The following PCDH11X variants were observed in gnomAD, a reference collection of about 807,000 sequenced individuals.
The protein encoded by PCDH11X is protocadherin 11 X-linked, also known as protocadherin-11 X-linked.
In PCDH11X, 18 loss-of-function variants were observed where a neutral mutation model predicts 53.3. The observed-to-expected ratio is 0.34, with a 90% CI of 0.23 to 0.50. The LOEUF is 0.50. Among genes scored for constraint, PCDH11X ranks in the 20% least tolerant of loss-of-function variants. PCDH11X has a pLI of 0.98. For synonymous variants in PCDH11X, 279 were observed against 393.3 expected, an observed-to-expected ratio of 0.71 and a Z score of 3.44; for missense variants, 570 against 1,032.4, an observed-to-expected ratio of 0.55 and a Z score of 6.14.
Position 92,108,027 on chromosome X carries a change from C to T in PCDH11X, c.3034-93348C>T, listed in dbSNP as rs1163916328. Among the ~76,000 whole-genome samples the T allele has an allele frequency of 2.7e-5, 3 of 112,030 alleles. No individual in the cohort carries two copies. The East Asian group carries it at 8.5e-4, about 32-fold the overall frequency. ...AAAATATAGTTCTGATATAAAGAAG[C>T]AGAGCTCTTTGACAAGCTGAGTGAA... On this transcript the variant is annotated intron_variant, in intron 6 of 10. Coordinates refer to ENST00000682573, the MANE Select transcript of PCDH11X (RefSeq NM_032968.5).
chrX:92,554,014 A>G (rs1301968515), intron 10 of PCDH11X, among the ~76,000 whole-genome samples: 19 of 109,740 alleles, frequency 1.7e-4, no homozygotes, highest in Non-Finnish European at 3.2e-4. Flanking sequence ...AGAATACTAG[A>G]TCTTCACTGT....
intron 4 of PCDH11X, among the ~76,000 whole-genome samples, chrX:91,833,688 G>A (rs1937193026): frequency 8.9e-6 from 1 of 111,975 alleles, no homozygotes; most frequent in Non-Finnish European, 1.9e-5. Context: ...TGTTGCAACA[G>A]ATGCATTTAT....
intron 4 of PCDH11X, 52 bp from the exon 5 acceptor site, chrX:91,835,409 G>A (rs1245795750): frequency 2.0e-5 from 24 of 1,206,438 alleles, no homozygotes; most frequent in Non-Finnish European, 2.6e-5. Flanking sequence ...TTTAGGGTTG[G>A]CTTCTTAATA....
chrX:92,445,374 T>C (rs1446526289), intron 9 of PCDH11X, among the ~76,000 whole-genome samples: 6 of 104,611 alleles, frequency 5.7e-5, no homozygotes, highest in Non-Finnish European at 1.2e-4. Context: ...AGAGTTGTTC[T>C]TAATAATCCC....
At chrX:92,290,655 C>A (rs1256933733) in intron 8 of PCDH11X, among the ~76,000 whole-genome samples, 1 of 110,223 alleles carries the variant, frequency 9.1e-6, no homozygotes, top group African/African-American at 3.3e-5. Context: ...AGTGGCATAA[C>A]TAAGTGGGCA....
intron 6 of PCDH11X, among the ~76,000 whole-genome samples, chrX:92,184,443 A>G (rs1286117423): frequency 8.9e-6 from 1 of 112,175 alleles, no homozygotes; most frequent in Non-Finnish European, 1.9e-5. Flanking sequence ...TCCTTACCAA[A>G]TTACTAATGA....
intron 10 of PCDH11X, among the ~76,000 whole-genome samples, chrX:92,531,486 A>G (rs1946296810): frequency 9.0e-6 from 1 of 111,207 alleles, no homozygotes; most frequent in Non-Finnish European, 1.9e-5. Context: ...AGCTTAAGCC[A>G]TCTTATTTGC....
chrX:92,484,704 G>C (rs1031812274), intron 10 of PCDH11X, among the ~76,000 whole-genome samples: 7 of 110,645 alleles, frequency 6.3e-5, no homozygotes, highest in Non-Finnish European at 1.3e-4. Context: ...ACATAAGAAT[G>C]ATACAATGGA....
chrX:92,265,481 A>G (rs2067810279), intron 8 of PCDH11X, among the ~76,000 whole-genome samples: 2 of 111,445 alleles, frequency 1.8e-5, no homozygotes, highest in South Asian at 3.8e-4. Context: ...TTTTTTCACT[A>G]GCTTTTTTAA....
At chrX:92,405,973 T>C (rs2071500251) in intron 9 of PCDH11X, among the ~76,000 whole-genome samples, 1 of 107,977 alleles carries the variant, frequency 9.3e-6, no homozygotes, top group Non-Finnish European at 1.9e-5. Flanking sequence ...CGGGCGCCTG[T>C]AGTCCCAGCT....
intron 9 of PCDH11X, among the ~76,000 whole-genome samples, chrX:92,447,303 C>A (rs931612950): frequency 9.0e-6 from 1 of 111,079 alleles, no homozygotes; most frequent in Non-Finnish European, 1.9e-5. Context: ...GAGAGGTCTT[C>A]GTGGAAGCCC....
chrX:92,258,120 C>T (rs911952006), intron 7 of PCDH11X, among the ~76,000 whole-genome samples: 1 of 111,363 alleles, frequency 9.0e-6, no homozygotes, highest in African/African-American at 3.3e-5. Context: ...CTTGGACTCT[C>T]TGAAGCAGCA....
intron 6 of PCDH11X, among the ~76,000 whole-genome samples, chrX:92,090,914 A>G (rs996229724): frequency 1.8e-5 from 2 of 112,197 alleles, no homozygotes; most frequent in Admixed American, 9.5e-5. Flanking sequence ...ATGTGTTTCA[A>G]ACAAAACTCT....
chrX:92,255,048 T>A (rs1157001505), intron 7 of PCDH11X, among the ~76,000 whole-genome samples: 1 of 99,656 alleles, frequency 1.0e-5, no homozygotes, highest in Non-Finnish European at 2.0e-5. Flanking sequence ...TCCAACTTGG[T>A]TCCATTCTCC....
chrX:92,207,622 G>A (rs1268986081), intron 7 of PCDH11X, among the ~76,000 whole-genome samples: 1 of 111,721 alleles, frequency 9.0e-6, no homozygotes, highest in Admixed American at 9.6e-5. Context: ...ACAATATTTT[G>A]TAATCATGTC....
rs148930650 is a variant in PCDH11X, at chrX:92,519,597, T to C, written c.3367+51275T>C. Among the ~76,000 whole-genome samples, 488 of 110,794 alleles carry C rather than the reference T, an allele frequency of 4.4e-3. 3 individuals are homozygous for C. Among genetic ancestry groups the C allele is most frequent in the African/African-American group, 0.015 (468 of 30,511 alleles). On this transcript the variant is annotated intron_variant, in intron 10 of 10. Coordinates refer to ENST00000682573, the MANE Select transcript of PCDH11X (RefSeq NM_032968.5). ...TTATAGGGATTAGAAAACAGAAATA[T>C]CATAGTGACGTCGTATTCTTTGTTT...
chrX:92,277,956 C>T (rs1041141298), intron 8 of PCDH11X, among the ~76,000 whole-genome samples: 1 of 111,790 alleles, frequency 8.9e-6, no homozygotes, highest in East Asian at 2.9e-4. Context: ...TGTCTTCTGA[C>T]ACCTTTGAAA....
chrX:92,368,281 A>C (rs1454986136), intron 8 of PCDH11X, among the ~76,000 whole-genome samples: 1 of 111,194 alleles, frequency 9.0e-6, no homozygotes, highest in Non-Finnish European at 1.9e-5. Flanking sequence ...CCACTTTATC[A>C]GCTTGGCTAT....
chrX:92,285,562 T>G, intron 8 of PCDH11X, among the ~76,000 whole-genome samples: 1 of 111,388 alleles, frequency 9.0e-6, no homozygotes, highest in South Asian at 3.8e-4. Context: ...CTGTAGAAAA[T>G]TTTTATAAAA....
Sources: allele counts gnomAD v4.1 joint callset (sites outside exome capture counted in the v4.1 genomes callset), GRCh38; gene constraint gnomAD v4.1.1; transcripts MANE v1.5; gene names NCBI Gene and HGNC (gene_info 2026-07-23, HGNC 2026-07-21).